The following ANTXR2 variants were observed in gnomAD, a reference collection of about 807,000 sequenced individuals.
ANTXR2 encodes anthrax toxin receptor 2.
In ANTXR2, 44 loss-of-function variants were observed where a neutral mutation model predicts 73.7. The observed-to-expected ratio is 0.60, with a 90% CI of 0.47 to 0.77. The LOEUF is 0.77. Ranked by LOEUF, ANTXR2 falls within the 30% of genes least tolerant of loss-of-function variation. The pLI, the probability that ANTXR2 is intolerant of heterozygous loss-of-function variation, is 0.00. For synonymous variants in ANTXR2, 217 were observed against 205.9 expected, an observed-to-expected ratio of 1.05 and a Z score of -0.46; for missense variants, 604 against 592.5, an observed-to-expected ratio of 1.02 and a Z score of -0.20.
intron 12 of ANTXR2, among the ~76,000 whole-genome samples, chr4:79,995,015 T>C (rs1183340633): frequency 6.6e-6 from 1 of 151,964 alleles, no homozygotes; most frequent in Non-Finnish European, 1.5e-5. Flanking sequence ...AATACAATGA[T>C]CATTTTCCTG....
chr4:79,910,259 C>A (rs1317683314), intron 16 of ANTXR2, among the ~76,000 whole-genome samples: 1 of 151,862 alleles, frequency 6.6e-6, no homozygotes, highest in African/African-American at 2.4e-5. Flanking sequence ...GCCTGTAATC[C>A]CAGCACTTTG....
At chr4:79,944,502 T>C (rs898203256) in intron 16 of ANTXR2, among the ~76,000 whole-genome samples, 7 of 148,324 alleles carry the variant, frequency 4.7e-5, no homozygotes, top group African/African-American at 1.5e-4. Flanking sequence ...ACTGCACTGC[T>C]TGGGGGAAAA....
intron 16 of ANTXR2, among the ~76,000 whole-genome samples, chr4:79,951,990 A>G (rs1728724731): frequency 6.6e-6 from 1 of 152,108 alleles, no homozygotes; most frequent in South Asian, 2.1e-4. Flanking sequence ...GTTGATAACT[A>G]TGTATTAAAT....
At chr4:80,002,396 T>C (rs1003447286) in intron 12 of ANTXR2, among the ~76,000 whole-genome samples, 4 of 152,138 alleles carry the variant, frequency 2.6e-5, no homozygotes, top group Admixed American at 1.3e-4. Context: ...TTACACCTTA[T>C]ACAAAAATTA....
intron 12 of ANTXR2, among the ~76,000 whole-genome samples, chr4:80,001,031 T>C (rs533887759): frequency 1.2e-4 from 18 of 152,178 alleles, no homozygotes; most frequent in South Asian, 4.1e-4. Context: ...CAAAAATCCC[T>C]TGTTGCTCTA....
At chr4:80,052,542 C>A (rs890824860) in intron 7 of ANTXR2, among the ~76,000 whole-genome samples, 1 of 151,630 alleles carries the variant, frequency 6.6e-6, no homozygotes, top group Non-Finnish European at 1.5e-5. Context: ...TACGATGTTT[C>A]CCCAAAAGGT....
intron 10 of ANTXR2, among the ~76,000 whole-genome samples, chr4:80,023,027 T>A (rs1732241559): frequency 6.6e-6 from 1 of 152,210 alleles, no homozygotes; most frequent in Non-Finnish European, 1.5e-5. Flanking sequence ...ATTTGTCTAA[T>A]GGATTATTTA....
At chr4:79,985,219 G>A (rs1475087312) in intron 12 of ANTXR2, among the ~76,000 whole-genome samples, 1 of 151,846 alleles carries the variant, frequency 6.6e-6, no homozygotes, top group Non-Finnish European at 1.5e-5. Flanking sequence ...GCGTGGTGGC[G>A]GGAGCCTGTA....
chr4:80,013,156 A>C (rs1272048516), intron 11 of ANTXR2, among the ~76,000 whole-genome samples: 1 of 152,264 alleles, frequency 6.6e-6, no homozygotes, highest in Non-Finnish European at 1.5e-5. Context: ...TCTTTTGAGG[A>C]GAGATGAACA....
At chr4:80,065,609 T>C (rs1021734143) in intron 3 of ANTXR2, among the ~76,000 whole-genome samples, 1 of 152,238 alleles carries the variant, frequency 6.6e-6, no homozygotes, top group African/African-American at 2.4e-5. Context: ...GTATATAAAA[T>C]GCATAACATC....
intron 16 of ANTXR2, among the ~76,000 whole-genome samples, chr4:79,964,436 CAA>C (rs1729268843): frequency 1.3e-5 from 2 of 152,172 alleles, no homozygotes; most frequent in South Asian, 2.1e-4. Flanking sequence ...GGAGGCCTTT[CAA>C]AAGAGTCCAC....
intron 7 of ANTXR2, among the ~76,000 whole-genome samples, chr4:80,042,383 C>T (rs1420377370): frequency 1.3e-5 from 2 of 151,968 alleles, no homozygotes; most frequent in Non-Finnish European, 2.9e-5. Flanking sequence ...GAGTTGGGAG[C>T]AGAAATGTGA....
intron 10 of ANTXR2, among the ~76,000 whole-genome samples, chr4:80,029,931 T>A (rs1561015930): frequency 6.6e-6 from 1 of 151,908 alleles, no homozygotes; most frequent in Non-Finnish European, 1.5e-5. Flanking sequence ...TAGAACCTGG[T>A]ACAGTATTAC....
chr4:79,957,224 T>G (rs1238346642), intron 16 of ANTXR2, among the ~76,000 whole-genome samples: 1 of 152,154 alleles, frequency 6.6e-6, no homozygotes, highest in Non-Finnish European at 1.5e-5. Flanking sequence ...TTGCATCATG[T>G]TATTGTCCAA....
At chr4:79,974,859 A>G (rs1729564569) in intron 16 of ANTXR2, among the ~76,000 whole-genome samples, 1 of 152,066 alleles carries the variant, frequency 6.6e-6, no homozygotes, top group Non-Finnish European at 1.5e-5. Flanking sequence ...AAAATAAATA[A>G]TTTAACCTGC....
chr4:80,035,907 CA>C, intron 8 of ANTXR2, 64 bp downstream of exon 8: 1 of 1,330,926 alleles, frequency 7.5e-7, no homozygotes, highest in African/African-American at 1.5e-5. Flanking sequence ...AGTTTCATAT[CA>C]TATATTTTAG....
At chr4:80,053,336 C>T (rs778562763) in intron 7 of ANTXR2, among the ~76,000 whole-genome samples, 13 of 151,626 alleles carry the variant, frequency 8.6e-5, no homozygotes, top group Non-Finnish European at 1.6e-4. Context: ...ACTAGATGTA[C>T]TGATAAGTGA....
At chr4:79,922,815 T>C (rs181333802) in intron 16 of ANTXR2, among the ~76,000 whole-genome samples, 29 of 152,134 alleles carry the variant, frequency 1.9e-4, no homozygotes, top group Non-Finnish European at 3.2e-4. Flanking sequence ...GAGATACAAA[T>C]ACAAGGTTAG....
At chr4:80,016,137 A>G (rs1560994532) in intron 11 of ANTXR2, among the ~76,000 whole-genome samples, 2 of 152,208 alleles carry the variant, frequency 1.3e-5, no homozygotes, top group Non-Finnish European at 2.9e-5. Context: ...TATGAAAAAT[A>G]TAATCCATTT....
Sources: gnomAD v4.1 joint callset for allele counts (sites outside exome capture counted in the v4.1 genomes callset) on GRCh38, gnomAD v4.1.1 for gene constraint, MANE v1.5 for transcripts, NCBI Gene and HGNC (gene_info 2026-07-23, HGNC 2026-07-21) for gene names.